Variants in MEF2D observed in about 807,000 individuals in gnomAD.
The protein encoded by MEF2D is myocyte-specific enhancer factor 2D.
In MEF2D, 10 loss-of-function variants were observed where a neutral mutation model predicts 59.3. The ratio of observed to expected loss-of-function variants is 0.17; its 90% CI spans 0.10 to 0.29. MEF2D has a LOEUF of 0.29. MEF2D is among the 10% of genes least tolerant of loss of function. The pLI is 1.00. For missense variants in MEF2D, 508 were observed against 699.4 expected (o/e 0.73, Z 3.09); for synonymous variants, 305 against 295.0 (o/e 1.03, Z -0.35).
intron 1 of MEF2D, among the ~76,000 whole-genome samples, chr1:156,488,078 C>T (rs990642489): frequency 6.6e-6 from 1 of 152,226 alleles, no homozygotes; most frequent in Non-Finnish European, 1.5e-5. Flanking sequence ...ACCAAAAGTT[C>T]CCCTTCAAAG....
chr1:156,483,905 GGT>G (rs1199211890), intron 1 of MEF2D, among the ~76,000 whole-genome samples: 1 of 152,152 alleles, frequency 6.6e-6, no homozygotes, highest in Admixed American at 6.5e-5. Flanking sequence ...GGATGTCTCT[GGT>G]GCCCCTGGCT....
intron 3 of MEF2D, 94 bp from the exon 4 acceptor site, chr1:156,481,065 T>G: frequency 3.2e-6 from 5 of 1,548,332 alleles, no homozygotes; most frequent in Non-Finnish European, 3.5e-6. Context: ...CCCCCTACTC[T>G]TCCCCGACCT....
chr1:156,497,962 T>C (rs1489366764), intron 1 of MEF2D, among the ~76,000 whole-genome samples: 1 of 151,746 alleles, frequency 6.6e-6, no homozygotes, highest in African/African-American at 2.4e-5. Flanking sequence ...CCATAATCAA[T>C]GAGGGCCTAT....
chr1:156,477,650 G>A (rs1671707103), intron 6 of MEF2D, among the ~76,000 whole-genome samples: 1 of 152,188 alleles, frequency 6.6e-6, no homozygotes, highest in Admixed American at 6.5e-5. Flanking sequence ...TGTGGAAGGG[G>A]TGGCAGCCTG....
In MEF2D at chr1:156,475,191, G is replaced by A; in HGVS notation, c.923C>T (p.Thr308Ile). The A allele has an allele frequency of 6.2e-7, 1 of 1,614,126 alleles. No homozygotes were observed. Among genetic ancestry groups the A allele is most frequent in the Non-Finnish European group, 8.5e-7 (1 of 1,179,976 alleles). ...LGVSQSTHSL[T>I]TPVVSVATPS... ...CGTTGCCACAGAAACCACTGGGGTG[G>A]TGAGCGAATGAGTAGACTGGGAGAC... The change falls in exon 9 of 12, where the codon ACC (threonine) becomes ATC (isoleucine). Residue 308 changes from threonine to isoleucine, a missense_variant. Transcript: ENST00000348159.
intron 9 of MEF2D, among the ~76,000 whole-genome samples, chr1:156,473,440 A>C (rs16837415): frequency 6.6e-6 from 1 of 152,074 alleles, no homozygotes; most frequent in African/African-American, 2.4e-5. Flanking sequence ...TCCAGACTAA[A>C]CTCATCAAAG....
rs534513347 is a variant in MEF2D at position 156,500,591 on chromosome 1, A to G, written c.-244T>C. 5.3e-5 allele frequency: 8 copies of G among 152,240 alleles called. No individual in the cohort carries two copies. In the South Asian group the frequency reaches 8.3e-4, roughly 16 times the overall value. The allele number at this position is 152,240 out of a possible 1,614,324, so 9.4% of individuals were successfully genotyped here. ...GAAGCCGCAGCTCCGGGCGGGGAGA[A>G]TAATAAATGAGGCCGGCGTCCGCGC... On this transcript the variant is annotated 5_prime_UTR_variant, in exon 1 of 12. Transcript: ENST00000348159.
rs1670948477 is a variant in MEF2D, at chr1:156,467,754, G to C, written c.1555-98C>G. 3.2e-6 allele frequency: 4 copies of C among 1,260,610 alleles called. No homozygotes were observed. The African/African-American group carries it at 4.5e-5, about 14-fold the overall frequency. 78.1% of individuals were successfully genotyped at this position (1,260,610 alleles called of 1,614,324 possible). A position where few individuals can be genotyped will look rare whatever the true frequency, so the allele number is the denominator to read the frequency against. On this transcript the variant is annotated intron_variant, in intron 11 of 11. Coordinates refer to ENST00000348159, the MANE Select transcript of MEF2D (RefSeq NM_005920.4). ...CTCTCCCCATAGGGCCAGGATTCTA[G>C]TGGCAGGGCCAGCTGTGAGGGGAAG...
In MEF2D at chr1:156,478,251, T is replaced by C. The variant is rs1044294227; in HGVS notation, c.664+1039A>G. 3.3e-5 allele frequency among the ~76,000 whole-genome samples: 5 copies of C among 152,264 alleles called. No individual in the cohort carries two copies. In the South Asian group the frequency reaches 8.3e-4, roughly 25 times the overall value. On this transcript the variant is annotated intron_variant, in intron 6 of 11. Transcript: ENST00000348159. ...CATAATTATCACCAGGGAGGTATTA[T>C]ACAGTGCCCCAAAACTGAGCTGGGG...
chr1:156,477,955 T>C (rs1306014610), intron 6 of MEF2D, among the ~76,000 whole-genome samples: 4 of 152,248 alleles, frequency 2.6e-5, no homozygotes, highest in African/African-American at 9.6e-5. Flanking sequence ...TATTATCTTA[T>C]TTAATCCTCA....
chr1:156,500,204 C>A (rs2102312013), intron 1 of MEF2D, among the ~76,000 whole-genome samples: 1 of 152,124 alleles, frequency 6.6e-6, no homozygotes, highest in East Asian at 1.9e-4. Flanking sequence ...GCGGGCGCGC[C>A]CCCAATCCGC....
Position 156,477,087 on chromosome 1 carries a change from C to T in MEF2D, c.780G>A (p.Gln260=). The part of the protein sequence containing the change: ...KSPPPPTHST[Q]LGAPSRKPDL... ...CGGGCTTGCGGCTGGGGGCTCCAAG[C>T]TGGGTGCTGTGGGTAGGTGGGGGTG... The change falls in exon 7 of 12, where the codon CAG becomes CAA. Residue 260 remains glutamine (Q), a synonymous_variant. Coordinates refer to ENST00000348159, the MANE Select transcript of MEF2D (RefSeq NM_005920.4). 6.2e-7 allele frequency: 1 copy of T among 1,613,968 alleles called. No homozygotes were observed. Among genetic ancestry groups the T allele is most frequent in the Non-Finnish European group, 8.5e-7 (1 of 1,179,902 alleles).
Position 156,483,355 on chromosome 1 carries a change from AC to A in MEF2D, c.-64del. Reference sequence around the variant, plus strand: ...CTCGCTGGGTGGTGGGTCTCGGCACACCTTACACTGTGCTCATGAACGGTCT... The same window carrying A: ...CTCGCTGGGTGGTGGGTCTCGGCACACTTACACTGTGCTCATGAACGGTCT... On this transcript the variant is annotated 5_prime_UTR_variant, in exon 2 of 12. Transcript: ENST00000348159. The A allele has an allele frequency of 6.9e-7, 1 of 1,459,016 alleles. No homozygotes were observed. The highest frequency in any genetic ancestry group is 1.1e-5 in the South Asian group (1 of 87,892). The allele number at this position is 1,459,016 out of a possible 1,614,324, so 90.4% of individuals were successfully genotyped here.
At chr1:156,470,689 T>C (rs1403663745) in intron 9 of MEF2D, among the ~76,000 whole-genome samples, 1 of 152,222 alleles carries the variant, frequency 6.6e-6, no homozygotes, top group Non-Finnish European at 1.5e-5. Context: ...CTTGGGTAAG[T>C]TACTTACTCT....
At position 156,468,133 on chromosome 1, in the gene MEF2D, T is replaced by C. The variant is rs1470497349; in HGVS notation, c.1414A>G (p.Ser472Gly). 2 of 1,613,848 alleles carry C rather than the reference T, an allele frequency of 1.2e-6. No individual in the cohort carries two copies. Among genetic ancestry groups the C allele is most frequent in the Non-Finnish European group, 1.7e-6 (2 of 1,179,904 alleles). Residue 472 changes from serine to glycine, a missense_variant, in exon 11 of 12, where the codon AGC becomes GGC. This residue lies in a region of MEF2D where 481 missense variants were observed against 584.7 expected (regional missense o/e 0.82). Coordinates refer to ENST00000348159, the MANE Select transcript of MEF2D (RefSeq NM_005920.4). This position sits in a 1 kb window ranked among gnomAD's most constrained non-coding sequence, Gnocchi z 4.3. ...GTCTCATAGGATCCCCCGGCTGGGC[T>C]GCTGAGACCATCGCCAGGCTCAGGG... is the stretch of plus-strand genomic sequence containing the variant. ...ARPEPGDGLS[S>G]PAGGSYETGD...
intron 1 of MEF2D, among the ~76,000 whole-genome samples, chr1:156,494,124 CCAAAAGCACAATA>C (rs1215026168): frequency 6.6e-6 from 1 of 152,146 alleles, no homozygotes; most frequent in Non-Finnish European, 1.5e-5. Flanking sequence ...TCATCCCTCA[CCAAAAGCACAATA>C]CACACATGCT....
Position 156,464,163 on chromosome 1 carries a change from G to A in MEF2D, c.*3482C>T, listed in dbSNP as rs1252769737. The A allele has an allele frequency of 2.0e-5, 3 of 152,660 alleles. No individual in the cohort carries two copies. The highest frequency in any genetic ancestry group is 3.9e-4 in the East Asian group (2 of 5,182). 9.5% of individuals were successfully genotyped at this position (152,660 alleles called of 1,614,324 possible). The stretch of plus-strand genomic sequence containing the variant: ...GGAGAGGCAGCAGAGGGGAGAACAA[G>A]GAGTTCCCAGGCTCCATGTCTCCTC... On this transcript the variant is annotated 3_prime_UTR_variant, in exon 12 of 12. Coordinates refer to ENST00000348159, the MANE Select transcript of MEF2D (RefSeq NM_005920.4).
chr1:156,479,879 G>T, intron 4 of MEF2D, 83 bp from the exon 5 acceptor site: 3 of 1,364,520 alleles, frequency 2.2e-6, no homozygotes, highest in Non-Finnish European at 3.0e-6. Flanking sequence ...GCAGGCAAGG[G>T]TTCTTCTCAT....
At chr1:156,491,200 T>A (rs999754783) in intron 1 of MEF2D, among the ~76,000 whole-genome samples, 14 of 152,172 alleles carry the variant, frequency 9.2e-5, no homozygotes, top group African/African-American at 3.4e-4. Context: ...TGGGTTCTAG[T>A]CCCTGCTCTG....
Sources: allele counts gnomAD v4.1 joint callset (sites outside exome capture counted in the v4.1 genomes callset), GRCh38; gene constraint gnomAD v4.1.1; regional missense constraint gnomAD v4.1.1; non-coding constraint Gnocchi (gnomAD v3.1); transcripts MANE v1.5; gene names NCBI Gene and HGNC (gene_info 2026-07-23, HGNC 2026-07-21).